Variants in SPECC1 observed in about 807,000 individuals in gnomAD.
SPECC1 encodes sperm antigen with calponin homology and coiled-coil domains 1, also known as cytospin-B.
A neutral mutation model predicts 104.1 loss-of-function variants in SPECC1; 62 were observed. The observed-to-expected ratio is 0.60, with a 90% CI of 0.49 to 0.74. The LOEUF (loss-of-function observed/expected upper bound fraction) is 0.74, where lower values mean the gene tolerates loss of function less well. Among genes scored for constraint, SPECC1 ranks in the 30% least tolerant of loss-of-function variants. The pLI, the probability that SPECC1 is intolerant of heterozygous loss-of-function variation, is 0.00. For synonymous variants in SPECC1, 513 were observed against 501.6 expected (o/e 1.02, Z -0.30); for missense variants, 1,306 against 1,310.5 (o/e 1.00, Z 0.05).
intron 12 of SPECC1, among the ~76,000 whole-genome samples, chr17:20,281,288 TAAAA>T (rs2040763162): frequency 6.6e-6 from 1 of 152,162 alleles, no homozygotes; most frequent in Non-Finnish European, 1.5e-5. Context: ...GGACTTACTA[TAAAA>T]GAAAGAAAGA....
At position 20,102,274 on chromosome 17, in the gene SPECC1, G is replaced by T. The variant is rs150586255; in HGVS notation, c.147+5476G>T. On this transcript the variant is annotated intron_variant, in intron 2 of 14. Transcript: ENST00000395527. ...TTCAGCTGTTTGTTTTGAAGGACAC[G>T]TGGGATCAGTTTTTTGTCTTTATGT... Among the ~76,000 whole-genome samples, 4 of 152,314 alleles carry T rather than the reference G, an allele frequency of 2.6e-5. No individual in the cohort carries two copies. In the East Asian group the frequency reaches 7.7e-4, roughly 29 times the overall value.
In SPECC1 at chr17:20,096,812, T is replaced by C. The variant is rs1325809035; in HGVS notation, c.147+14T>C. 1 of 1,608,504 alleles carries C rather than the reference T, an allele frequency of 6.2e-7. No individual in the cohort carries two copies. The highest frequency in any genetic ancestry group is 8.5e-7 in the Non-Finnish European group (1 of 1,175,882). ...CGACTCAGCAGGGTATGGATCAAAA[T>C]GCACAGGGCCAGGCAGAGCGCCTGG... On this transcript the variant is annotated intron_variant, in intron 2 of 14. Coordinates refer to ENST00000395527, the MANE Select transcript of SPECC1 (RefSeq NM_001243439.2).
chr17:20,055,764 T>C (rs1414800099), intron 1 of SPECC1, among the ~76,000 whole-genome samples: 1 of 152,244 alleles, frequency 6.6e-6, no homozygotes, highest in Non-Finnish European at 1.5e-5. Flanking sequence ...ATGAAGGCTT[T>C]GCTGGTTGTT....
chr17:20,088,841 G>A (rs991066801), intron 1 of SPECC1, among the ~76,000 whole-genome samples: 20 of 152,172 alleles, frequency 1.3e-4, no homozygotes, highest in East Asian at 5.8e-4. Context: ...TTGGGAAGTC[G>A]GCCATGAGGG....
chr17:20,122,933 C>T (rs995760228), intron 3 of SPECC1, among the ~76,000 whole-genome samples: 4 of 152,210 alleles, frequency 2.6e-5, no homozygotes, highest in Non-Finnish European at 5.9e-5. Flanking sequence ...AATAATGCTG[C>T]TCTGTACACA....
At chr17:20,144,133 C>CT (rs1162703106) in intron 3 of SPECC1, among the ~76,000 whole-genome samples, 1 of 150,118 alleles carries the variant, frequency 6.7e-6, no homozygotes, top group African/African-American at 2.5e-5. Context: ...AAGTAAATGA[C>CT]TAGGGCCAGA....
At chr17:20,170,146 A>T (rs1186476331) in intron 3 of SPECC1, among the ~76,000 whole-genome samples, 1 of 152,010 alleles carries the variant, frequency 6.6e-6, no homozygotes, top group Non-Finnish European at 1.5e-5. Context: ...CTTAGCCAGG[A>T]TGTGTGTTGT....
chr17:20,171,034 G>A (rs2034049581), intron 3 of SPECC1, among the ~76,000 whole-genome samples: 1 of 152,196 alleles, frequency 6.6e-6, no homozygotes, highest in Non-Finnish European at 1.5e-5. Flanking sequence ...TCTGTAAGCA[G>A]ATAAACAGAG....
intron 1 of SPECC1, among the ~76,000 whole-genome samples, chr17:20,051,747 T>C (rs2045785527): frequency 6.6e-6 from 1 of 152,196 alleles, no homozygotes; most frequent in Admixed American, 6.5e-5. Flanking sequence ...TGTCAGGATG[T>C]GATTAGTTTT....
intron 12 of SPECC1, among the ~76,000 whole-genome samples, chr17:20,271,733 A>G (rs957969594): frequency 6.6e-6 from 1 of 150,678 alleles, no homozygotes; most frequent in Non-Finnish European, 1.5e-5. Flanking sequence ...GATCTTCTGT[A>G]TCCTACATCC....
intron 3 of SPECC1, among the ~76,000 whole-genome samples, chr17:20,152,901 G>A (rs540081976): frequency 6.6e-6 from 1 of 152,128 alleles, no homozygotes; most frequent in Admixed American, 6.5e-5. Context: ...TCTTGACCTC[G>A]TGATCTGCCT....
intron 3 of SPECC1, among the ~76,000 whole-genome samples, chr17:20,172,941 G>A (rs1367934373): frequency 6.6e-6 from 1 of 152,148 alleles, no homozygotes; most frequent in East Asian, 1.9e-4. Context: ...CAGAGAAAAG[G>A]CACTCTAGGT....
intron 3 of SPECC1, among the ~76,000 whole-genome samples, chr17:20,141,638 A>G (rs558824562): frequency 3.3e-4 from 51 of 152,294 alleles, no homozygotes; most frequent in Admixed American, 1.8e-3. Context: ...AGTTACAACC[A>G]TCACCGCAGA....
At chr17:20,266,541 G>A (rs1315162905) in intron 12 of SPECC1, among the ~76,000 whole-genome samples, 3 of 152,146 alleles carry the variant, frequency 2.0e-5, no homozygotes, top group African/African-American at 4.8e-5. Flanking sequence ...CCGAGATAGC[G>A]CCACTGCACT....
intron 3 of SPECC1, among the ~76,000 whole-genome samples, chr17:20,162,730 G>C (rs1239615558): frequency 6.6e-6 from 1 of 151,992 alleles, no homozygotes; most frequent in Non-Finnish European, 1.5e-5. Flanking sequence ...CTTTGCTTTT[G>C]TAAAAGTGAA....
rs759197882 is a variant in SPECC1, at chr17:20,100,257, G to A, written c.147+3459G>A. Among the ~76,000 whole-genome samples the A allele has an allele frequency of 1.1e-4, 16 of 152,104 alleles. 1 individual carries two copies. Among genetic ancestry groups the A allele is most frequent in the Non-Finnish European group, 1.8e-4 (12 of 68,014 alleles). ...GGAGCAGCAGAAAGAAATGTAGCCC[G>A]CCTGACCTTTCCAGCCCTGGTTCTG... On this transcript the variant is annotated intron_variant, in intron 2 of 14. Transcript: ENST00000395527.
intron 1 of SPECC1, among the ~76,000 whole-genome samples, chr17:20,079,455 G>A (rs7223910): frequency 0.23 from 35,146 of 151,648 alleles, 4,330 homozygotes; most frequent in African/African-American, 0.33. Context: ...GTGCACCACC[G>A]TGCCTGGCTA....
chr17:20,185,761 A>T (rs1328337037), intron 3 of SPECC1, among the ~76,000 whole-genome samples: 4 of 152,176 alleles, frequency 2.6e-5, no homozygotes, highest in African/African-American at 9.7e-5. Flanking sequence ...ACCCAGATTG[A>T]TGGTCCCATG....
intron 3 of SPECC1, among the ~76,000 whole-genome samples, chr17:20,128,134 A>G (rs2049414919): frequency 6.6e-6 from 1 of 152,202 alleles, no homozygotes; most frequent in African/African-American, 2.4e-5. Flanking sequence ...TAGAAGACAG[A>G]TGCTTGTACA....
Sources: gnomAD v4.1 joint callset for allele counts (sites outside exome capture counted in the v4.1 genomes callset) on GRCh38, gnomAD v4.1.1 for gene constraint, MANE v1.5 for transcripts, NCBI Gene and HGNC (gene_info 2026-07-23, HGNC 2026-07-21) for gene names.